CEP350: variants seen among roughly 807,000 people sequenced by gnomAD.
The protein encoded by CEP350 is centrosomal protein 350.
Under a neutral mutation model 331.8 loss-of-function variants are expected in CEP350, and 126 were observed. That is an observed-to-expected ratio of 0.38 (90% CI 0.33 to 0.44). The LOEUF (loss-of-function observed/expected upper bound fraction) is 0.44, where lower values mean the gene tolerates loss of function less well. Among genes scored for constraint, CEP350 ranks in the 20% least tolerant of loss-of-function variants. CEP350 has a pLI of 1.00. For synonymous variants in CEP350, 1,200 were observed against 1,259.5 expected, an observed-to-expected ratio of 0.95 and a Z score of 1.00; for missense variants, 3,406 against 3,634.6, an observed-to-expected ratio of 0.94 and a Z score of 1.62.
At chr1:179,982,700 T>C (rs1313738966) in intron 1 of CEP350, among the ~76,000 whole-genome samples, 1 of 152,254 alleles carries the variant, frequency 6.6e-6, no homozygotes, top group Non-Finnish European at 1.5e-5. Context: ...AAATTTTTTG[T>C]CTAATCATTG....
intron 17 of CEP350, among the ~76,000 whole-genome samples, chr1:180,038,582 G>A (rs187575816): frequency 1.3e-5 from 2 of 152,246 alleles, no homozygotes; most frequent in East Asian, 3.9e-4. Flanking sequence ...ATTCTATTGA[G>A]TATGAAGTAG....
At chr1:180,065,332 C>T (rs1219501517) in intron 27 of CEP350, 60 bp downstream of exon 27, 7 of 1,437,736 alleles carry the variant, frequency 4.9e-6, no homozygotes, top group South Asian at 1.4e-5. Flanking sequence ...CAACAAATAA[C>T]ATTTGTAATA....
intron 7 of CEP350, among the ~76,000 whole-genome samples, chr1:180,004,869 GGCTGGCTTGCTT>G (rs1156804363): frequency 1.8e-4 from 16 of 90,546 alleles, no homozygotes; most frequent in African/African-American, 5.4e-4. Context: ...CAGGCAGGCT[GGCTGGCTTGCTT>G]GCTTGCTTGC....
rs1380203023 is a variant in CEP350 at position 180,031,488 on chromosome 1, C to T, written c.3719C>T (p.Ser1240Phe). Residue 1240 changes from serine (S) to phenylalanine (F), a missense_variant, in exon 15 of 38, where the codon TCT (serine) becomes TTT (phenylalanine). By Grantham distance (155) the Ser-to-Phe change is radical. This residue lies in a region of CEP350 where 1,857 missense variants were observed against 1,909.2 expected (regional missense o/e 0.97). Coordinates refer to ENST00000367607, the MANE Select transcript of CEP350 (RefSeq NM_014810.5). ...DSTLEDLSGH[S>F]VSVSSDKGRS... ...ACTTTGGAGGATCTTTCTGGACATTCTGTGAGGTAATGTATATTTTATACT... is the reference window on the plus strand; with the variant it reads ...ACTTTGGAGGATCTTTCTGGACATTTTGTGAGGTAATGTATATTTTATACT... The T allele has an allele frequency of 1.4e-6, 2 of 1,434,112 alleles. No individual in the cohort carries two copies. Among genetic ancestry groups the T allele is most frequent in the South Asian group, 3.0e-5 (2 of 66,598 alleles). 88.8% of individuals were successfully genotyped at this position (1,434,112 alleles called of 1,614,324 possible).
rs753761789 is a variant in CEP350, at chr1:180,024,116, A to T, written c.3387-303A>T. Among the ~76,000 whole-genome samples the T allele has an allele frequency of 6.6e-5, 10 of 152,012 alleles. 1 individual carries two copies. Among genetic ancestry groups the T allele is most frequent in the Non-Finnish European group, 1.3e-4 (9 of 67,990 alleles). On this transcript the variant is annotated intron_variant, in intron 13 of 37. Coordinates refer to ENST00000367607, the MANE Select transcript of CEP350 (RefSeq NM_014810.5). ...TAAGAATATAAGAGGAGAAATAGTT[A>T]TAATATATAAATTATAAATTTGAAT...
chr1:180,013,868 A>G lies in CEP350; in HGVS notation c.1415A>G (p.Glu472Gly). Residue 472 changes from glutamate to glycine, a missense_variant, in exon 10 of 38, where the codon GAA (glutamate) becomes GGA (glycine). Transcript: ENST00000367607. ...AKSGGHIGRA[E>G]SDPRLDVLHR... is the part of the protein sequence containing the mutation. Reference sequence around the variant, plus strand: ...GCAGGGGGTCACATTGGAAGAGCAGAATCTGATCCCAGGTTGGACGTTTTA... The same window carrying G: ...GCAGGGGGTCACATTGGAAGAGCAGGATCTGATCCCAGGTTGGACGTTTTA... 1 of 1,611,380 alleles carries G rather than the reference A, an allele frequency of 6.2e-7. No homozygotes were observed. Among genetic ancestry groups the G allele is most frequent in the Non-Finnish European group, 8.5e-7 (1 of 1,178,788 alleles).
intron 1 of CEP350, among the ~76,000 whole-genome samples, chr1:179,985,407 A>T (rs1652578426): frequency 6.6e-6 from 1 of 152,174 alleles, no homozygotes; most frequent in African/African-American, 2.4e-5. Context: ...CTGTTGATAG[A>T]CATTTGGGCT....
chr1:180,036,799 G>T (rs954008276), intron 16 of CEP350, 127 bp from the exon 17 acceptor site: 1 of 984,624 alleles, frequency 1.0e-6, no homozygotes, highest in Non-Finnish European at 1.4e-6. Context: ...AAGGTATTCT[G>T]TACTGAGTCC....
chr1:180,018,071 T>A (rs1335298318), intron 11 of CEP350, among the ~76,000 whole-genome samples: 1 of 152,222 alleles, frequency 6.6e-6, no homozygotes, highest in Non-Finnish European at 1.5e-5. Context: ...AGTGGCACGA[T>A]CATAGCTTAC....
Position 180,053,106 on chromosome 1 carries a change from T to G in CEP350, c.4929T>G (p.Gly1643=), listed in dbSNP as rs1370638098. Reference sequence around the variant, plus strand: ...GATTTAACATGGAAAAGAGAAGAGGTCATCATGATGACTCTGATGAAGAAG... The same window carrying G: ...GATTTAACATGGAAAAGAGAAGAGGGCATCATGATGACTCTGATGAAGAAG... The part of the protein sequence containing the change: ...HRRFNMEKRR[G]HHDDSDEEAS... The change falls in exon 23 of 38, where the codon GGT becomes GGG. Residue 1643 remains glycine, a synonymous_variant. Transcript: ENST00000367607. 6.2e-7 allele frequency: 1 copy of G among 1,607,620 alleles called. No homozygotes were observed. The highest frequency in any genetic ancestry group is 8.5e-7 in the Non-Finnish European group (1 of 1,176,878).
rs183183318 is a variant in CEP350, at chr1:180,019,389, A to G, written c.2175-560A>G. Reference sequence around the variant, plus strand: ...TTTTGCATTTGATTGTTTCACGTTCATTAATTTTTTACAAGTATTAATAGG... The same window carrying G: ...TTTTGCATTTGATTGTTTCACGTTCGTTAATTTTTTACAAGTATTAATAGG... On this transcript the variant is annotated intron_variant, in intron 11 of 37. Transcript: ENST00000367607. Among the ~76,000 whole-genome samples, 4 of 152,194 alleles carry G rather than the reference A, an allele frequency of 2.6e-5. No individual in the cohort carries two copies. In the East Asian group the frequency reaches 5.8e-4, roughly 22 times the overall value.
chr1:180,032,758 T>A (rs1189919531), intron 15 of CEP350, among the ~76,000 whole-genome samples: 1 of 152,156 alleles, frequency 6.6e-6, no homozygotes, highest in Non-Finnish European at 1.5e-5. Context: ...AGCTAAATTT[T>A]ATCTGCATAG....
At chr1:180,031,261 T>G in intron 14 of CEP350, 59 bp from the exon 15 acceptor site, 1 of 984,246 alleles carries the variant, frequency 1.0e-6, no homozygotes. Flanking sequence ...ATATATCAAT[T>G]ATCTCTCTCA....
At chr1:179,984,577 T>G (rs1652517585) in intron 1 of CEP350, among the ~76,000 whole-genome samples, 1 of 152,212 alleles carries the variant, frequency 6.6e-6, no homozygotes, top group Non-Finnish European at 1.5e-5. Flanking sequence ...AAGTCACATA[T>G]TGTCACTTTC....
intron 37 of CEP350, among the ~76,000 whole-genome samples, chr1:180,107,663 C>T (rs563734692): frequency 2.0e-5 from 3 of 152,170 alleles, no homozygotes; most frequent in South Asian, 4.2e-4. Context: ...GCGAGACTCC[C>T]GTCTCAAACA....
intron 4 of CEP350, among the ~76,000 whole-genome samples, chr1:179,991,811 T>C (rs1653120705): frequency 6.6e-6 from 1 of 151,586 alleles, no homozygotes; most frequent in Admixed American, 6.6e-5. Context: ...AAATAAATTT[T>C]ATGTGTAGAA....
chr1:180,025,868 A>G (rs933966668), intron 14 of CEP350, among the ~76,000 whole-genome samples: 5 of 152,178 alleles, frequency 3.3e-5, no homozygotes, highest in African/African-American at 1.2e-4. Context: ...ATACCTCTGT[A>G]ACAAACCTGC....
At chr1:180,067,268 G>T (rs886594848) in intron 27 of CEP350, among the ~76,000 whole-genome samples, 5 of 152,050 alleles carry the variant, frequency 3.3e-5, no homozygotes, top group Admixed American at 3.3e-4. Flanking sequence ...TGAGAGATTT[G>T]TCAAGGAGAA....
chr1:180,043,906 CAG>C (rs1157479840), intron 20 of CEP350, 143 bp from the exon 21 acceptor site: 13 of 673,770 alleles, frequency 1.9e-5, no homozygotes, highest in Middle Eastern at 4.6e-4. Flanking sequence ...CTTAGTAAAA[CAG>C]AAGATATTCT....
Sources: gnomAD v4.1 joint callset for allele counts (sites outside exome capture counted in the v4.1 genomes callset) on GRCh38, gnomAD v4.1.1 for gene constraint, gnomAD v4.1.1 regional missense constraint, MANE v1.5 for transcripts, NCBI Gene and HGNC (gene_info 2026-07-23, HGNC 2026-07-21) for gene names.